Variants in SLC35F3 observed in about 807,000 individuals in gnomAD.
The protein encoded by SLC35F3 is solute carrier family 35 member F3, also known as putative thiamine transporter SLC35F3.
In SLC35F3, 25 loss-of-function variants were observed where a neutral mutation model predicts 49.9. That is an observed-to-expected ratio of 0.50 (90% CI 0.37 to 0.70). SLC35F3 has a LOEUF of 0.70. SLC35F3 is among the 30% of genes least tolerant of loss of function. The pLI is 0.00. For missense variants in SLC35F3, 525 were observed against 639.8 expected, an observed-to-expected ratio of 0.82 and a Z score of 1.94; for synonymous variants, 275 against 265.4, an observed-to-expected ratio of 1.04 and a Z score of -0.35.
At chr1:234,196,509 A>G (rs1054829141) in intron 2 of SLC35F3, among the ~76,000 whole-genome samples, 2 of 152,206 alleles carry the variant, frequency 1.3e-5, no homozygotes, top group African/African-American at 4.8e-5. Context: ...CTAAGCCCCA[A>G]TCTGGGGGTT....
At chr1:234,157,424 C>T (rs963155084) in intron 2 of SLC35F3, among the ~76,000 whole-genome samples, 1 of 152,078 alleles carries the variant, frequency 6.6e-6, no homozygotes, top group East Asian at 1.9e-4. Flanking sequence ...GCACTAGTGG[C>T]CTGGCGATTA....
chr1:234,176,661 G>C (rs1385723156), intron 2 of SLC35F3, among the ~76,000 whole-genome samples: 1 of 152,126 alleles, frequency 6.6e-6, no homozygotes, highest in Non-Finnish European at 1.5e-5. Flanking sequence ...GTAGCCTTCT[G>C]TCTGAAGCAT....
intron 2 of SLC35F3, among the ~76,000 whole-genome samples, chr1:234,145,811 A>C (rs1258341430): frequency 6.6e-6 from 1 of 152,182 alleles, no homozygotes. Flanking sequence ...CCAATCCCCC[A>C]GGGATACCAT....
intron 2 of SLC35F3, among the ~76,000 whole-genome samples, chr1:233,912,685 G>A (rs1355106734): frequency 3.9e-5 from 6 of 152,184 alleles, no homozygotes; most frequent in South Asian, 4.1e-4. Flanking sequence ...AGCAGGTGGC[G>A]TAGACAGCGT....
chr1:234,014,310 A>G (rs1229627161), intron 2 of SLC35F3, among the ~76,000 whole-genome samples: 1 of 152,142 alleles, frequency 6.6e-6, no homozygotes, highest in Non-Finnish European at 1.5e-5. Context: ...AACTCTCTAC[A>G]AATTAGATGT....
chr1:234,018,088 C>T lies in SLC35F3; in HGVS notation c.283+112330C>T, dbSNP rs534899983. On this transcript the variant is annotated intron_variant, in intron 2 of 7. Coordinates refer to ENST00000366618, the MANE Select transcript of SLC35F3 (RefSeq NM_173508.4). ...GATGAAACAAGAAGGCAGAGGCCTT[C>T]TTTGGCTTCAGCTGGAAAAATACGT... 1.2e-4 allele frequency among the ~76,000 whole-genome samples: 19 copies of T among 152,128 alleles called. 1 individual carries two copies. The highest frequency in any genetic ancestry group is 2.5e-4 in the Non-Finnish European group (17 of 68,020).
chr1:234,064,826 C>A (rs1664592492), intron 2 of SLC35F3, among the ~76,000 whole-genome samples: 1 of 151,830 alleles, frequency 6.6e-6, no homozygotes, highest in Admixed American at 6.6e-5. Context: ...TAACAGCAAC[C>A]CAGGAAAGTA....
intron 3 of SLC35F3, among the ~76,000 whole-genome samples, chr1:234,291,726 G>A (rs1668510942): frequency 6.6e-6 from 1 of 152,142 alleles, no homozygotes; most frequent in Admixed American, 6.5e-5. Context: ...ACCATTCTAG[G>A]CCTCTAGTGG....
At chr1:234,317,411 T>G (rs1439988344) in intron 5 of SLC35F3, among the ~76,000 whole-genome samples, 1 of 150,890 alleles carries the variant, frequency 6.6e-6, no homozygotes, top group African/African-American at 2.4e-5. Context: ...TCCTCTCTCC[T>G]TCTCCTAAGA....
intron 2 of SLC35F3, among the ~76,000 whole-genome samples, chr1:234,129,516 A>G (rs929297286): frequency 6.6e-6 from 1 of 152,198 alleles, no homozygotes; most frequent in South Asian, 2.1e-4. Context: ...TCACTTCCCC[A>G]ACATTGATCC....
chr1:234,067,103 A>G (rs941978865), intron 2 of SLC35F3, among the ~76,000 whole-genome samples: 2 of 152,204 alleles, frequency 1.3e-5, no homozygotes, highest in Non-Finnish European at 2.9e-5. Flanking sequence ...CACAATCATC[A>G]TTTGTTATAT....
At chr1:234,112,655 A>C (rs1409343696) in intron 2 of SLC35F3, among the ~76,000 whole-genome samples, 1 of 119,564 alleles carries the variant, frequency 8.4e-6, no homozygotes, top group Admixed American at 9.8e-5. Context: ...TCCTGGGTTC[A>C]CCCCATTCTC....
intron 2 of SLC35F3, among the ~76,000 whole-genome samples, chr1:233,961,948 T>G (rs1391424988): frequency 2.6e-5 from 4 of 152,200 alleles, no homozygotes; most frequent in Admixed American, 2.6e-4. Flanking sequence ...ACTTCTGGCG[T>G]GTTTTAATCC....
rs550338278 is a variant in SLC35F3, at chr1:234,244,706, G to A, written c.608+12965G>A. Among the ~76,000 whole-genome samples, 3 of 151,828 alleles carry A rather than the reference G, an allele frequency of 2.0e-5. No homozygotes were observed. The East Asian group carries it at 5.8e-4, about 29-fold the overall frequency. On this transcript the variant is annotated intron_variant, in intron 3 of 7. Transcript: ENST00000366618. Reference sequence around the variant, plus strand: ...ATTATGCCATCTGATTGAACTGAGAGTAAAAACCCATCTTCAGGAAGTTTC... The same window carrying A: ...ATTATGCCATCTGATTGAACTGAGAATAAAAACCCATCTTCAGGAAGTTTC...
intron 4 of SLC35F3, among the ~76,000 whole-genome samples, chr1:234,315,134 C>T (rs1224886309): frequency 2.0e-5 from 3 of 152,108 alleles, no homozygotes; most frequent in Non-Finnish European, 2.9e-5. Context: ...AAGTGAATTC[C>T]CATACCAGAA....
chr1:234,055,274 G>T (rs1419582028), intron 2 of SLC35F3, among the ~76,000 whole-genome samples: 1 of 152,174 alleles, frequency 6.6e-6, no homozygotes, highest in Non-Finnish European at 1.5e-5. Context: ...ACAGAGGCAG[G>T]CAGGCCTCCT....
At chr1:234,291,124 C>T (rs570647015) in intron 3 of SLC35F3, among the ~76,000 whole-genome samples, 1 of 152,188 alleles carries the variant, frequency 6.6e-6, no homozygotes, top group Non-Finnish European at 1.5e-5. Flanking sequence ...TTCGCCACCC[C>T]CCAAACCACC....
At chr1:234,294,995 T>C (rs1425598966) in intron 3 of SLC35F3, among the ~76,000 whole-genome samples, 1 of 152,182 alleles carries the variant, frequency 6.6e-6, no homozygotes, top group Non-Finnish European at 1.5e-5. Flanking sequence ...TATCTGCAAA[T>C]TTCTGAAGCC....
At chr1:234,130,486 A>AAAAAAG (rs1665718325) in intron 2 of SLC35F3, among the ~76,000 whole-genome samples, 1 of 151,026 alleles carries the variant, frequency 6.6e-6, no homozygotes, top group Non-Finnish European at 1.5e-5. Flanking sequence ...AAAAAAAAAA[A>AAAAAAG]AAATTAGCCA....
Sources: allele counts gnomAD v4.1 joint callset (sites outside exome capture counted in the v4.1 genomes callset), GRCh38; gene constraint gnomAD v4.1.1; transcripts MANE v1.5; gene names NCBI Gene and HGNC (gene_info 2026-07-23, HGNC 2026-07-21).